SNX7: variants seen among roughly 807,000 people sequenced by gnomAD.
The protein encoded by SNX7 is sorting nexin-7.
A neutral mutation model predicts 48.4 loss-of-function variants in SNX7; 35 were observed. The ratio of observed to expected loss-of-function variants is 0.72; its 90% CI spans 0.55 to 0.96. SNX7 has a LOEUF of 0.96. Ranked by LOEUF, SNX7 falls within the 40% of genes least tolerant of loss-of-function variation. The pLI, the probability that SNX7 is intolerant of heterozygous loss-of-function variation, is 0.00. For synonymous variants in SNX7, 190 were observed against 190.2 expected (o/e 1.00, Z 0.01); for missense variants, 553 against 548.9 (o/e 1.01, Z -0.07).
chr1:98,697,948 T>G lies in SNX7; in HGVS notation c.839-758T>G, dbSNP rs952345186. 2.6e-5 allele frequency among the ~76,000 whole-genome samples: 4 copies of G among 152,142 alleles called. No homozygotes were observed. The East Asian group carries it at 7.7e-4, about 29-fold the overall frequency. On this transcript the variant is annotated intron_variant, in intron 5 of 8. Transcript: ENST00000306121. ...TGTTTTTGTAAAGAGAAATCATGGGTTATTCATGAATGAACAAGCAATTTG... is the reference window on the plus strand; with the variant it reads ...TGTTTTTGTAAAGAGAAATCATGGGGTATTCATGAATGAACAAGCAATTTG...
intron 7 of SNX7, among the ~76,000 whole-genome samples, chr1:98,715,856 A>G (rs1238328396): frequency 6.6e-6 from 1 of 152,150 alleles, no homozygotes; most frequent in East Asian, 1.9e-4. Context: ...CTATTGAGGT[A>G]TCACTATCCA....
intron 7 of SNX7, among the ~76,000 whole-genome samples, chr1:98,710,804 T>TA (rs1472631045): frequency 1.3e-5 from 2 of 152,180 alleles, no homozygotes; most frequent in African/African-American, 2.4e-5. Context: ...GGAGAAGGCT[T>TA]TGATTCACTT....
chr1:98,725,379 TGATATTAG>T (rs765964912), intron 7 of SNX7, among the ~76,000 whole-genome samples: 33 of 152,144 alleles, frequency 2.2e-4, no homozygotes, highest in Non-Finnish European at 4.6e-4. Context: ...AAGGACTTTG[TGATATTAG>T]GCAAATATTT....
chr1:98,720,808 G>C (rs1200446430), intron 7 of SNX7, among the ~76,000 whole-genome samples: 1 of 152,046 alleles, frequency 6.6e-6, no homozygotes, highest in African/African-American at 2.4e-5. Flanking sequence ...GCAGCATTAG[G>C]AGCTGTTTTT....
At chr1:98,735,842 G>C (rs1236756541) in intron 7 of SNX7, among the ~76,000 whole-genome samples, 1 of 152,138 alleles carries the variant, frequency 6.6e-6, no homozygotes, top group Non-Finnish European at 1.5e-5. Flanking sequence ...ACAGAAGTGG[G>C]ACTTAAACTG....
At chr1:98,672,649 G>A (rs1329746522) in intron 1 of SNX7, among the ~76,000 whole-genome samples, 2 of 151,896 alleles carry the variant, frequency 1.3e-5, no homozygotes, top group African/African-American at 2.4e-5. Context: ...AAGTGGCCGG[G>A]CGCGGTGGCT....
chr1:98,758,914 A>G (rs1459640510), intron 8 of SNX7, among the ~76,000 whole-genome samples: 2 of 149,610 alleles, frequency 1.3e-5, no homozygotes, highest in Non-Finnish European at 3.0e-5. Context: ...TTCAGTTTGA[A>G]AAAAATGTGT....
intron 2 of SNX7, 31 bp downstream of exon 2, chr1:98,685,098 T>G: frequency 7.5e-7 from 1 of 1,330,434 alleles, no homozygotes; most frequent in Non-Finnish European, 9.9e-7. Context: ...TTCTTGAATA[T>G]AGCTGCTTTT....
At chr1:98,701,714 T>G in intron 6 of SNX7, 103 bp from the exon 7 acceptor site, 3 of 676,916 alleles carry the variant, frequency 4.4e-6, no homozygotes, top group Non-Finnish European at 4.7e-6. Context: ...ACTGATGGCT[T>G]GGGGAAGAGA....
intron 7 of SNX7, among the ~76,000 whole-genome samples, chr1:98,706,668 G>T (rs1445714899): frequency 1.3e-5 from 2 of 152,158 alleles, no homozygotes; most frequent in Non-Finnish European, 2.9e-5. Context: ...AGCTCTTAAA[G>T]TATTTCCAGT....
chr1:98,687,178 C>T (rs1463894324), intron 2 of SNX7, among the ~76,000 whole-genome samples: 1 of 151,890 alleles, frequency 6.6e-6, no homozygotes, highest in Admixed American at 6.6e-5. Flanking sequence ...TATGATTTAC[C>T]CCCATTTCAT....
chr1:98,678,392 C>T (rs1650290848), intron 1 of SNX7, among the ~76,000 whole-genome samples: 1 of 152,190 alleles, frequency 6.6e-6, no homozygotes, highest in Non-Finnish European at 1.5e-5. Context: ...TTGGGGGTCA[C>T]ATTTCAACAT....
intron 7 of SNX7, among the ~76,000 whole-genome samples, chr1:98,718,858 G>A (rs911821143): frequency 2.6e-5 from 4 of 152,074 alleles, no homozygotes; most frequent in African/African-American, 9.7e-5. Flanking sequence ...AGATATCTTG[G>A]AGATCATTCC....
chr1:98,726,463 A>G (rs1653177075), intron 7 of SNX7, among the ~76,000 whole-genome samples: 1 of 152,188 alleles, frequency 6.6e-6, no homozygotes, highest in Non-Finnish European at 1.5e-5. Context: ...TAACAGGTAC[A>G]TGTCTTTCTC....
At chr1:98,662,869 A>G in intron 1 of SNX7, 1 of 1,284,838 alleles carries the variant, frequency 7.8e-7, no homozygotes, top group East Asian at 5.6e-5. Context: ...GAGCAAACCA[A>G]AGTTAGGAAG....
chr1:98,673,732 A>G (rs185030932), intron 1 of SNX7, among the ~76,000 whole-genome samples: 3 of 152,306 alleles, frequency 2.0e-5, no homozygotes, highest in African/African-American at 7.2e-5. Context: ...GAGATAAGTG[A>G]TTTGGGGAGA....
chr1:98,723,662 T>C (rs1222101596), intron 7 of SNX7, among the ~76,000 whole-genome samples: 1 of 152,104 alleles, frequency 6.6e-6, no homozygotes, highest in African/African-American at 2.4e-5. Context: ...AATAGCAGCC[T>C]GGCCAACATG....
At position 98,738,218 on chromosome 1, in the gene SNX7, T is replaced by C. The variant is rs951781050; in HGVS notation, c.1126-19T>C. 1.9e-6 allele frequency: 3 copies of C among 1,609,462 alleles called. No homozygotes were observed. Among genetic ancestry groups the C allele is most frequent in the Non-Finnish European group, 2.5e-6 (3 of 1,178,354 alleles). ...AAGAATTCATAGATCAATGTATCTC[T>C]CTTTGTGACTTAATTCAGCTTCCAG... On this transcript the variant is annotated intron_variant, in intron 7 of 8. Transcript: ENST00000306121.
intron 8 of SNX7, among the ~76,000 whole-genome samples, chr1:98,755,705 C>T (rs1173387982): frequency 2.0e-5 from 3 of 151,852 alleles, no homozygotes; most frequent in Non-Finnish European, 2.9e-5. Flanking sequence ...CTCAAGTGAT[C>T]CTCCCACCTC....
Sources: gnomAD v4.1 joint callset for allele counts (sites outside exome capture counted in the v4.1 genomes callset) on GRCh38, gnomAD v4.1.1 for gene constraint, MANE v1.5 for transcripts, NCBI Gene and HGNC (gene_info 2026-07-23, HGNC 2026-07-21) for gene names.